USP31: variants seen among roughly 807,000 people sequenced by gnomAD.
USP31 encodes the protein ubiquitin carboxyl-terminal hydrolase 31.
A neutral mutation model predicts 119.4 loss-of-function variants in USP31; 44 were observed. That is an observed-to-expected ratio of 0.37 (90% CI 0.29 to 0.47). The LOEUF (loss-of-function observed/expected upper bound fraction) is 0.47. Among genes scored for constraint, USP31 ranks in the 20% least tolerant of loss-of-function variants. The probability of loss-of-function intolerance (pLI) is 0.99; values close to 1 mark genes in which losing one functional copy is unlikely to be tolerated. For synonymous variants in USP31, 749 were observed against 705.6 expected (o/e 1.06, Z -0.97); for missense variants, 1,643 against 1,730.2 (o/e 0.95, Z 0.89).
chr16:23,076,968 A>G (rs1351566296), intron 13 of USP31, among the ~76,000 whole-genome samples: 2 of 152,252 alleles, frequency 1.3e-5, no homozygotes, highest in African/African-American at 2.4e-5. Flanking sequence ...CCACAAAAGC[A>G]AAAATCCAAC....
At position 23,066,258 on chromosome 16, in the gene USP31, T is replaced by C. The variant is rs955797825; in HGVS notation, c.*1788A>G. On this transcript the variant is annotated 3_prime_UTR_variant, in exon 16 of 16. Transcript: ENST00000219689. ...GGTAACTTTCACAAGGCTAAATGTC[T>C]AAATCTTAAATACTGCCAAGGGTCT... 2.0e-5 allele frequency: 3 copies of C among 152,656 alleles called. No homozygotes were observed. Among genetic ancestry groups the C allele is most frequent in the Admixed American group, 2.0e-4 (3 of 15,280 alleles). 9.5% of individuals were successfully genotyped at this position (152,656 alleles called of 1,614,324 possible).
In USP31 at chr16:23,149,368, C is replaced by G; in HGVS notation, c.-98G>C. The G allele has an allele frequency of 1.0e-6, 1 of 990,330 alleles. No homozygotes were observed. 61.3% of individuals were successfully genotyped at this position (990,330 alleles called of 1,614,324 possible). A position where few individuals can be genotyped will look rare whatever the true frequency, so the allele number is the denominator to read the frequency against. On this transcript the variant is annotated 5_prime_UTR_variant, in exon 1 of 16. Coordinates refer to ENST00000219689, the MANE Select transcript of USP31 (RefSeq NM_020718.4). ...CCCGCAGCGCCGCGCCTCACCGGGC[C>G]CGGGGGCTCGACGCCCCACACACCT...
chr16:23,069,354 G>C lies in USP31; in HGVS notation c.2751C>G (p.Asn917Lys). The C allele has an allele frequency of 1.2e-6, 2 of 1,604,774 alleles. No homozygotes were observed. The highest frequency in any genetic ancestry group is 1.7e-6 in the Non-Finnish European group (2 of 1,173,904). Residue 917 changes from asparagine to lysine, a missense_variant, in exon 16 of 16, where the codon AAC becomes AAG. Coordinates refer to ENST00000219689, the MANE Select transcript of USP31 (RefSeq NM_020718.4). ...VSISCFGSLR[N>K]LSSSYQEPSD... ...TTGGTTCCTGGTAACTGCTAGAAAGGTTCCGCAAGCTACCAAAGCAAGAGA... is the reference window on the plus strand; with the variant it reads ...TTGGTTCCTGGTAACTGCTAGAAAGCTTCCGCAAGCTACCAAAGCAAGAGA...
intron 15 of USP31, among the ~76,000 whole-genome samples, chr16:23,070,038 G>A (rs1900281601): frequency 6.6e-6 from 1 of 152,186 alleles, no homozygotes; most frequent in Non-Finnish European, 1.5e-5. Context: ...AAAGGCAGTG[G>A]GCTGTATTTG....
At chr16:23,089,245 T>C (rs1471991355) in intron 7 of USP31, among the ~76,000 whole-genome samples, 1 of 152,188 alleles carries the variant, frequency 6.6e-6, no homozygotes, top group Non-Finnish European at 1.5e-5. Flanking sequence ...GGGGCTCAGC[T>C]TGGCTGCGGT....
Position 23,105,451 on chromosome 16 carries a change from G to C in USP31, c.1079C>G (p.Pro360Arg), listed in dbSNP as rs1902055395. Reference protein sequence around the residue: ...REAVSMETKIPTDQIVLTEMY... With the variant: ...REAVSMETKIRTDQIVLTEMY... ...TAGCAGACTTATTACCTGATCAGTG[G>C]GGATCTTTGTTTCCATAGACACTGC... is the stretch of plus-strand genomic sequence containing the variant. Residue 360 changes from proline to arginine, a missense_variant, in exon 5 of 16, where the codon CCC becomes CGC. Transcript: ENST00000219689. 1 of 1,613,544 alleles carries C rather than the reference G, an allele frequency of 6.2e-7. No homozygotes were observed. The highest frequency in any genetic ancestry group is 1.1e-5 in the South Asian group (1 of 90,964).
At position 23,068,530 on chromosome 16, in the gene USP31, G is replaced by C; in HGVS notation, c.3575C>G (p.Ala1192Gly). Residue 1192 changes from alanine (A) to glycine (G), a missense_variant, in exon 16 of 16, where the codon GCC becomes GGC. Ala to Gly is a moderately conservative substitution (Grantham distance 60, BLOSUM62 0). Coordinates refer to ENST00000219689, the MANE Select transcript of USP31 (RefSeq NM_020718.4). ...SQARAGEGRG[A>G]GKHVRSSSMA... Reference sequence around the variant, plus strand: ...GGAGGAGCTCCGCACGTGCTTCCCGGCCCCCCTGCCCTCCCCTGCTCGGGC... The same window carrying C: ...GGAGGAGCTCCGCACGTGCTTCCCGCCCCCCCTGCCCTCCCCTGCTCGGGC... The C allele has an allele frequency of 6.2e-7, 1 of 1,613,872 alleles. No individual in the cohort carries two copies. The highest frequency in any genetic ancestry group is 1.7e-5 in the Admixed American group (1 of 60,008).
At chr16:23,107,739 A>G (rs1161169831) in intron 2 of USP31, among the ~76,000 whole-genome samples, 1 of 152,252 alleles carries the variant, frequency 6.6e-6, no homozygotes, top group Non-Finnish European at 1.5e-5. Context: ...AATAGAAAGC[A>G]AACATATTCT....
Position 23,068,360 on chromosome 16 carries a change from A to T in USP31, c.3745T>A (p.Leu1249Met), listed in dbSNP as rs1900178565. 6.2e-7 allele frequency: 1 copy of T among 1,614,088 alleles called. No individual in the cohort carries two copies. The highest frequency in any genetic ancestry group is 8.5e-7 in the Non-Finnish European group (1 of 1,180,048). The change falls in exon 16 of 16, where the codon TTG becomes ATG. Residue 1249 changes from leucine to methionine, a missense_variant. Transcript: ENST00000219689. The stretch of plus-strand genomic sequence containing the variant: ...CTCCCACCAGCCTTTTTAGAGAGCA[A>T]GGCTGTCTTGCCAAGATCCGTCGAG... ...RRSTDLGKTA[L>M]LSKKAGGSSV...
intron 6 of USP31, among the ~76,000 whole-genome samples, chr16:23,097,559 G>A (rs1463794323): frequency 2.0e-5 from 3 of 152,092 alleles, no homozygotes; most frequent in South Asian, 2.1e-4. Flanking sequence ...GATGAACATC[G>A]ATGCAAAAAT....
intron 7 of USP31, among the ~76,000 whole-genome samples, 157 bp from the exon 8 acceptor site, chr16:23,087,992 A>C (rs1216247658): frequency 6.6e-6 from 1 of 152,206 alleles, no homozygotes; most frequent in Non-Finnish European, 1.5e-5. Context: ...GTAACTCTTC[A>C]TAAGGAGATG....
At chr16:23,109,923 C>T (rs1902251058) in intron 1 of USP31, among the ~76,000 whole-genome samples, 3 of 148,532 alleles carry the variant, frequency 2.0e-5, no homozygotes, top group Admixed American at 2.0e-4. Flanking sequence ...GAAACAATAA[C>T]AGACCAGAAG....
At chr16:23,112,016 G>A (rs1902334455) in intron 1 of USP31, among the ~76,000 whole-genome samples, 1 of 152,026 alleles carries the variant, frequency 6.6e-6, no homozygotes, top group Admixed American at 6.5e-5. Context: ...ATTCAGATTC[G>A]GGAGGAAAAA....
intron 14 of USP31, 103 bp downstream of exon 14, chr16:23,073,619 T>G: frequency 7.3e-7 from 1 of 1,374,768 alleles, no homozygotes; most frequent in Non-Finnish European, 9.9e-7. Flanking sequence ...ATTCATCTGA[T>G]CAAACTGACA....
Position 23,068,920 on chromosome 16 carries a change from A to G in USP31, c.3185T>C (p.Leu1062Pro). Reference protein sequence around the residue: ...SLSSTSPSSPLPVKVSLKPSR... With the variant: ...SLSSTSPSSPPPVKVSLKPSR... ...GGGCTTTAGAGAGACTTTTACAGGA[A>G]GAGGAGAAGAAGGGGATGTACTTGA... Residue 1062 changes from leucine to proline, a missense_variant, in exon 16 of 16, where the codon CTT becomes CCT. Leu to Pro is a moderately conservative substitution (Grantham distance 98). Coordinates refer to ENST00000219689, the MANE Select transcript of USP31 (RefSeq NM_020718.4). 1 of 1,613,292 alleles carries G rather than the reference A, an allele frequency of 6.2e-7. No individual in the cohort carries two copies. The highest frequency in any genetic ancestry group is 8.5e-7 in the Non-Finnish European group (1 of 1,179,788).
At position 23,149,019 on chromosome 16, in the gene USP31, G is replaced by C. The variant is rs1429010049; in HGVS notation, c.252C>G (p.Ala84=). 8 of 1,162,532 alleles carry C rather than the reference G, an allele frequency of 6.9e-6. No individual in the cohort carries two copies. The highest frequency in any genetic ancestry group is 7.6e-6 in the Non-Finnish European group (7 of 924,108). The allele number at this position is 1,162,532 out of a possible 1,614,324, so 72.0% of individuals were successfully genotyped here. Residue 84 remains alanine (A), a synonymous_variant, in exon 1 of 16, where the codon GCC becomes GCG. Coordinates refer to ENST00000219689, the MANE Select transcript of USP31 (RefSeq NM_020718.4). The part of the protein sequence containing the change: ...TLSHLSSEGA[A]PDRGGLRSCF... ...AGCTGCGGAGGCCGCCGCGGTCTGG[G>C]GCGGCGCCCTCAGAGCTAAGGTGCG... is the stretch of plus-strand genomic sequence containing the variant.
At chr16:23,084,039 T>C (rs918897113) in intron 11 of USP31, among the ~76,000 whole-genome samples, 1 of 152,112 alleles carries the variant, frequency 6.6e-6, no homozygotes, top group South Asian at 2.1e-4. Context: ...AATCACCTAT[T>C]TGAAATTAAG....
chr16:23,065,808 T>C lies in USP31; in HGVS notation c.*2238A>G, dbSNP rs554739080. ...AAACTAGTTTCTATTAATGCTTGAC[T>C]ACAGCAAAAAAGAAGTGTTATTAAA... On this transcript the variant is annotated 3_prime_UTR_variant, in exon 16 of 16. Transcript: ENST00000219689. 24 of 152,260 alleles carry C rather than the reference T, an allele frequency of 1.6e-4. No individual in the cohort carries two copies. The highest frequency in any genetic ancestry group is 5.5e-4 in the African/African-American group (23 of 41,572). 9.4% of individuals were successfully genotyped at this position (152,260 alleles called of 1,614,324 possible).
At chr16:23,145,936 T>C (rs180949660) in intron 1 of USP31, among the ~76,000 whole-genome samples, 3 of 152,294 alleles carry the variant, frequency 2.0e-5, no homozygotes, top group Admixed American at 1.3e-4. Flanking sequence ...GTTCAGGAGA[T>C]TACTTTTAAA....
Sources: allele counts gnomAD v4.1 joint callset (sites outside exome capture counted in the v4.1 genomes callset), GRCh38; gene constraint gnomAD v4.1.1; transcripts MANE v1.5; gene names NCBI Gene and HGNC (gene_info 2026-07-23, HGNC 2026-07-21).